Variants in HIVEP1 observed in about 807,000 individuals in gnomAD.
HIVEP1 encodes the protein HIVEP zinc finger 1.
HIVEP1 carries 36 observed loss-of-function variants against 180.0 expected under a neutral mutation model. The ratio of observed to expected loss-of-function variants is 0.20; its 90% CI spans 0.15 to 0.26. The LOEUF is 0.26. Among genes scored for constraint, HIVEP1 ranks in the 10% least tolerant of loss-of-function variants. The pLI, the probability that HIVEP1 is intolerant of heterozygous loss-of-function variation, is 1.00. For missense variants in HIVEP1, 3,143 were observed against 3,268.7 expected (o/e 0.96, Z 0.94); for synonymous variants, 1,239 against 1,239.0 (o/e 1.00, Z 0.00).
intron 2 of HIVEP1, among the ~76,000 whole-genome samples, chr6:12,056,949 A>G (rs1770919656): frequency 6.6e-6 from 1 of 151,734 alleles, no homozygotes; most frequent in Non-Finnish European, 1.5e-5. Context: ...TGATCCTCCC[A>G]TCTTAGCCTC....
chr6:12,137,603 G>A (rs1262977012), intron 7 of HIVEP1, among the ~76,000 whole-genome samples: 1 of 72,492 alleles, frequency 1.4e-5, no homozygotes, highest in Non-Finnish European at 2.5e-5. Flanking sequence ...TGTGGGTAGT[G>A]TGCTCAAAGT....
At chr6:12,072,705 G>A (rs868821868) in intron 2 of HIVEP1, among the ~76,000 whole-genome samples, 2 of 152,124 alleles carry the variant, frequency 1.3e-5, no homozygotes, top group African/African-American at 4.8e-5. Context: ...CTTCAAGTTC[G>A]TGACTCCTTT....
At chr6:12,036,655 G>A (rs933575359) in intron 2 of HIVEP1, among the ~76,000 whole-genome samples, 1 of 152,210 alleles carries the variant, frequency 6.6e-6, no homozygotes, top group Admixed American at 6.5e-5. Flanking sequence ...TGTAATCCCA[G>A]TATTTTGGGA....
the HIVEP1 span, among the ~76,000 whole-genome samples, chr6:12,178,311 G>A: frequency 3.9e-5 from 6 of 152,194 alleles, no homozygotes; most frequent in South Asian, 2.1e-4. Context: ...AATAAGATCC[G>A]GGCATGGTGG....
rs367884178 is a variant in HIVEP1, at chr6:12,124,393, T to C, written c.4598T>C (p.Val1533Ala). The C allele has an allele frequency of 1.2e-6, 2 of 1,614,008 alleles. No individual in the cohort carries two copies. The highest frequency in any genetic ancestry group is 3.3e-5 in the Admixed American group (2 of 60,008). ...SHQSTQLSLQ[V>A]STQGSKPDKN... is the part of the protein sequence containing the mutation. The stretch of plus-strand genomic sequence containing the variant: ...CAGAGCACACAGCTATCTCTGCAAG[T>C]GTCTACGCAGGGTAGCAAGCCAGAT... Residue 1533 changes from valine (V) to alanine (A), a missense_variant, in exon 4 of 9, where the codon GTG becomes GCG. Coordinates refer to ENST00000379388, the MANE Select transcript of HIVEP1 (RefSeq NM_002114.4).
At chr6:12,158,798 C>G (rs1007598722) in intron 7 of HIVEP1, among the ~76,000 whole-genome samples, 1 of 152,178 alleles carries the variant, frequency 6.6e-6, no homozygotes, top group African/African-American at 2.4e-5. Flanking sequence ...TGCCGCCCTT[C>G]TCCTCACAGG....
At chr6:12,183,650 G>A in the HIVEP1 span, among the ~76,000 whole-genome samples, 3 of 152,060 alleles carry the variant, frequency 2.0e-5, no homozygotes, top group African/African-American at 7.2e-5. Context: ...TATAAGATAA[G>A]ATCATTTAAT....
chr6:12,025,009 G>A (rs1768486000), intron 2 of HIVEP1, among the ~76,000 whole-genome samples: 1 of 152,216 alleles, frequency 6.6e-6, no homozygotes, highest in African/African-American at 2.4e-5. Context: ...ACTAGGCTCT[G>A]TTCAGAGGGC....
At chr6:12,091,829 C>T (rs1169762424) in intron 3 of HIVEP1, among the ~76,000 whole-genome samples, 1 of 152,100 alleles carries the variant, frequency 6.6e-6, no homozygotes, top group African/African-American at 2.4e-5. Context: ...GTGCTATCTC[C>T]TGATTCTTAA....
At chr6:12,097,891 A>G (rs1465966018) in intron 3 of HIVEP1, among the ~76,000 whole-genome samples, 2 of 152,174 alleles carry the variant, frequency 1.3e-5, no homozygotes, top group African/African-American at 4.8e-5. Flanking sequence ...CTTTTGAAAT[A>G]TGAAAGCAAA....
upstream of HIVEP1, chr6:12,011,913 C>A (rs1385777814): frequency 6.9e-6 from 1 of 144,034 alleles, no homozygotes; most frequent in Non-Finnish European, 1.5e-5. Flanking sequence ...CCCCTCCTCC[C>A]GCCCCCGGGG....
At position 12,123,796 on chromosome 6, in the gene HIVEP1, C is replaced by G. The variant is rs753576636; in HGVS notation, c.4001C>G (p.Pro1334Arg). Residue 1334 changes from proline to arginine, a missense_variant, in exon 4 of 9, where the codon CCC becomes CGC. Physicochemically the swap from Pro to Arg is moderately radical, Grantham distance 103. Coordinates refer to ENST00000379388, the MANE Select transcript of HIVEP1 (RefSeq NM_002114.4). ...IEDVSKTEAS[P>R]KIDFLNKAEF... ...GACGTTTCTAAAACGGAGGCTTCCC[C>G]CAAAATCGATTTTCTAAATAAAGCC... 1.2e-6 allele frequency: 2 copies of G among 1,614,178 alleles called. No individual in the cohort carries two copies. Among genetic ancestry groups the G allele is most frequent in the South Asian group, 2.2e-5 (2 of 91,082 alleles).
At chr6:12,091,130 A>G (rs1773447946) in intron 3 of HIVEP1, among the ~76,000 whole-genome samples, 1 of 152,174 alleles carries the variant, frequency 6.6e-6, no homozygotes, top group African/African-American at 2.4e-5. Context: ...CAACATGAAA[A>G]GTCTGAGTAA....
rs368124498 is a variant in HIVEP1 at position 12,113,375 on chromosome 6, GCA to G, written c.95-6514_95-6513del. ...GAGGGCTTTTCATGCTGAGGAGATG[GCA>G]AGTACAAATCCCAGGGGCAGCAACG... On this transcript the variant is annotated intron_variant, in intron 3 of 8. Coordinates refer to ENST00000379388, the MANE Select transcript of HIVEP1 (RefSeq NM_002114.4). 1.7e-3 allele frequency among the ~76,000 whole-genome samples: 254 copies of G among 151,802 alleles called. 2 individuals carry two copies. Among genetic ancestry groups the G allele is most frequent in the African/African-American group, 5.8e-3 (241 of 41,346 alleles).
chr6:12,198,995 A>G, the HIVEP1 span, among the ~76,000 whole-genome samples: 1 of 152,240 alleles, frequency 6.6e-6, no homozygotes, highest in African/African-American at 2.4e-5. Flanking sequence ...GGCTTGAGCC[A>G]GGATGTCACA....
At chr6:12,188,510 A>G in the HIVEP1 span, among the ~76,000 whole-genome samples, 1 of 152,190 alleles carries the variant, frequency 6.6e-6, no homozygotes, top group Non-Finnish European at 1.5e-5. Flanking sequence ...GTGATTGTAC[A>G]CATGAAAAAC....
chr6:12,071,796 G>C (rs555054361), intron 2 of HIVEP1, among the ~76,000 whole-genome samples: 1 of 152,298 alleles, frequency 6.6e-6, no homozygotes, highest in Non-Finnish European at 1.5e-5. Context: ...GGTTGTATGA[G>C]TTCATATTTA....
rs751111947 is a variant in HIVEP1, at chr6:12,120,898, C to T, written c.1103C>T (p.Ser368Leu). 1.1e-5 allele frequency: 17 copies of T among 1,614,164 alleles called. No individual in the cohort carries two copies. The highest frequency in any genetic ancestry group is 8.9e-5 in the East Asian group (4 of 44,888). Residue 368 changes from serine (S) to leucine (L), a missense_variant, in exon 4 of 9, where the codon TCG (serine) becomes TTG (leucine). Ser to Leu is a moderately radical substitution (Grantham distance 145). Transcript: ENST00000379388. ...LSISPANSTQ[S>L]PPMPIYNSTH... ...ATAAGTCCGGCTAATTCTACACAGT[C>T]GCCCCCCATGCCAATCTATAATTCA...
intron 2 of HIVEP1, among the ~76,000 whole-genome samples, chr6:12,088,181 T>C (rs1344013096): frequency 6.6e-6 from 1 of 152,118 alleles, no homozygotes; most frequent in East Asian, 1.9e-4. Context: ...TAGGATACCA[T>C]ATTGGAGGTT....
Sources: gnomAD v4.1 joint callset for allele counts (sites outside exome capture counted in the v4.1 genomes callset) on GRCh38, gnomAD v4.1.1 for gene constraint, MANE v1.5 for transcripts, NCBI Gene and HGNC (gene_info 2026-07-23, HGNC 2026-07-21) for gene names.